Variants in ESR1 observed in about 807,000 individuals in gnomAD.
The protein encoded by ESR1 is estrogen receptor 1, also known as estrogen receptor.
In ESR1, 12 loss-of-function variants were observed where a neutral mutation model predicts 52.7. That is an observed-to-expected ratio of 0.23 (90% CI 0.15 to 0.37). The LOEUF (loss-of-function observed/expected upper bound fraction) is 0.37. ESR1 is among the 10% of genes least tolerant of loss of function. ESR1 has a pLI of 1.00. For missense variants in ESR1, 584 were observed against 779.7 expected, an observed-to-expected ratio of 0.75 and a Z score of 2.99; for synonymous variants, 305 against 316.8, an observed-to-expected ratio of 0.96 and a Z score of 0.39.
chr6:151,730,669 G>A lies in ESR1; in HGVS notation c.-71+28664G>A, dbSNP rs531352116. On this transcript the variant is annotated intron_variant, in intron 2 of 2. Coordinates refer to the ESR1 transcript ENST00000404742. ...CCATTTGGTGTTTGCTCTAGTCAAG[G>A]AGGATGGAGAGGGAGCAACATCTTG... Among the ~76,000 whole-genome samples, 8 of 152,264 alleles carry A rather than the reference G, an allele frequency of 5.3e-5. No homozygotes were observed. In the South Asian group the frequency reaches 1.7e-3, roughly 32 times the overall value.
At chr6:151,978,507 C>G (rs2039679196) in intron 4 of ESR1, among the ~76,000 whole-genome samples, 1 of 152,120 alleles carries the variant, frequency 6.6e-6, no homozygotes, top group South Asian at 2.1e-4. Flanking sequence ...CACCAATCCA[C>G]AGATTCAGAA....
intron 6 of ESR1, among the ~76,000 whole-genome samples, chr6:152,066,097 G>T: frequency 6.6e-6 from 1 of 152,198 alleles, no homozygotes; most frequent in South Asian, 2.1e-4. Context: ...ATATAGTCAT[G>T]CTTTGTTAAT....
At chr6:151,748,447 AT>A (rs1171359944) in intron 2 of ESR1, among the ~76,000 whole-genome samples, 6 of 152,192 alleles carry the variant, frequency 3.9e-5, no homozygotes, top group African/African-American at 1.2e-4. Context: ...TTAGCAGAGT[AT>A]TTTTTGTGAC....
intron 4 of ESR1, among the ~76,000 whole-genome samples, chr6:151,984,858 G>A (rs1562631780): frequency 6.6e-6 from 1 of 151,932 alleles, no homozygotes; most frequent in Non-Finnish European, 1.5e-5. Context: ...CACCATAGTT[G>A]GATATTTTGA....
At chr6:151,958,974 G>A (rs1006977120) in intron 4 of ESR1, among the ~76,000 whole-genome samples, 5 of 92,076 alleles carry the variant, frequency 5.4e-5, no homozygotes, top group African/African-American at 2.3e-4. Context: ...AAAAGTTTCC[G>A]TGTGTGTGTG....
At chr6:151,672,900 C>T (rs1778121206) in intron 1 of ESR1, among the ~76,000 whole-genome samples, 1 of 148,434 alleles carries the variant, frequency 6.7e-6, no homozygotes, top group Non-Finnish European at 1.5e-5. Flanking sequence ...ACGATCTCGG[C>T]TCACTGCAAG....
At chr6:151,947,922 A>C (rs1489258144) in intron 4 of ESR1, among the ~76,000 whole-genome samples, 1 of 152,220 alleles carries the variant, frequency 6.6e-6, no homozygotes, top group African/African-American at 2.4e-5. Context: ...TCTATCGAGA[A>C]GACTTTTCTC....
At chr6:151,827,160 C>CA (rs1171436385) in intron 1 of ESR1, among the ~76,000 whole-genome samples, 3 of 151,726 alleles carry the variant, frequency 2.0e-5, no homozygotes, top group Non-Finnish European at 4.4e-5. Flanking sequence ...CCCATCTCTA[C>CA]AAAAAAATAC....
rs2050963566 is a variant in ESR1, at chr6:152,101,486, A to G, written c.*2520A>G. On this transcript the variant is annotated 3_prime_UTR_variant, in exon 8 of 8. Transcript: ENST00000206249. Reference sequence around the variant, plus strand: ...CCAATGTGTTTCTATTCATGTTAAGATACTACTACATTTGAAGTGGGCAGA... The same window carrying G: ...CCAATGTGTTTCTATTCATGTTAAGGTACTACTACATTTGAAGTGGGCAGA... 5 of 232,486 alleles carry G rather than the reference A, an allele frequency of 2.2e-5. No homozygotes were observed. The South Asian group carries it at 9.1e-4, about 42-fold the overall frequency. The allele number at this position is 232,486 out of a possible 1,614,324, so 14.4% of individuals were successfully genotyped here.
chr6:151,809,229 G>C (rs777798754), intron 1 of ESR1: 11 of 449,550 alleles, frequency 2.4e-5, no homozygotes, highest in Non-Finnish European at 4.7e-5. Flanking sequence ...GAGCGCGGCC[G>C]GTCCAGGACA....
chr6:151,831,480 T>A (rs1056246465), intron 1 of ESR1, among the ~76,000 whole-genome samples: 3 of 152,168 alleles, frequency 2.0e-5, no homozygotes, highest in African/African-American at 7.2e-5. Flanking sequence ...ATTTCTGGGT[T>A]TAAGGATGAG....
chr6:151,673,933 CATCT>C (rs988754112), intron 1 of ESR1, among the ~76,000 whole-genome samples: 2 of 152,152 alleles, frequency 1.3e-5, no homozygotes, highest in African/African-American at 2.4e-5. Flanking sequence ...TGTGTTTACA[CATCT>C]ATCTATCCAC....
rs547589198 is a variant in ESR1 at position 152,123,526 on chromosome 6, A to G, written c.851-1740A>G. On this transcript the variant is annotated intron_variant, in intron 6 of 6. Transcript: ENST00000427531. ...ACAGGTTTCAGAACTCTTAAGAAGG[A>G]CTGCCTGGAAAATACAGAATCTGGA... Among the ~76,000 whole-genome samples the G allele has an allele frequency of 3.3e-5, 5 of 152,372 alleles. No homozygotes were observed. In the East Asian group the frequency reaches 9.6e-4, roughly 29 times the overall value.
rs1585258435 is a variant in ESR1 at position 152,099,572 on chromosome 6, C to T, written c.*606C>T. The T allele has an allele frequency of 4.2e-6, 1 of 240,910 alleles. No homozygotes were observed. The highest frequency in any genetic ancestry group is 6.0e-5 in the East Asian group (1 of 16,748). The allele number at this position is 240,910 out of a possible 1,614,324, so 14.9% of individuals were successfully genotyped here. A position where few individuals can be genotyped will look rare whatever the true frequency, so the allele number is the denominator to read the frequency against. On this transcript the variant is annotated 3_prime_UTR_variant, in exon 8 of 8. Transcript: ENST00000206249. ...TCCCCCTATAGGAATACAAGGGGCACACAGGGAAGGCAGATCCCCTAGTTG... is the reference window on the plus strand; with the variant it reads ...TCCCCCTATAGGAATACAAGGGGCATACAGGGAAGGCAGATCCCCTAGTTG...
At chr6:152,003,189 C>G (rs2042087603) in intron 4 of ESR1, among the ~76,000 whole-genome samples, 1 of 151,742 alleles carries the variant, frequency 6.6e-6, no homozygotes, top group African/African-American at 2.4e-5. Flanking sequence ...TTTGTGATCC[C>G]CAAGTCTCAT....
intron 1 of ESR1, among the ~76,000 whole-genome samples, chr6:151,692,439 C>G (rs1045460118): frequency 6.6e-6 from 1 of 152,062 alleles, no homozygotes; most frequent in Non-Finnish European, 1.5e-5. Flanking sequence ...CAGCTGTGCT[C>G]CAGGACTGCA....
chr6:152,115,077 C>G (rs909863985), intron 6 of ESR1, among the ~76,000 whole-genome samples: 1 of 151,740 alleles, frequency 6.6e-6, no homozygotes, highest in Non-Finnish European at 1.5e-5. Context: ...TGACTGCAGT[C>G]AAAATGTCAA....
At position 152,066,477 on chromosome 6, in the gene ESR1, G is replaced by A. The variant is rs181937516; in HGVS notation, c.1369+5353G>A. ...GAACGGCCCTTGGAAATTGTAAATG[G>A]GCACATTGTCAGGTATGCCCATTGT... is the stretch of plus-strand genomic sequence containing the variant. On this transcript the variant is annotated intron_variant, in intron 6 of 7. Coordinates refer to ENST00000206249, the MANE Select transcript of ESR1 (RefSeq NM_000125.4). Among the ~76,000 whole-genome samples the A allele has an allele frequency of 2.7e-3, 410 of 152,260 alleles. 1 individual carries two copies. The highest frequency in any genetic ancestry group is 4.4e-3 in the Non-Finnish European group (298 of 68,018).
intron 2 of ESR1, among the ~76,000 whole-genome samples, chr6:151,702,743 G>A (rs979175707): frequency 2.6e-5 from 4 of 152,112 alleles, no homozygotes; most frequent in African/African-American, 9.7e-5. Context: ...ATAACTTACT[G>A]ACTGTCAAGT....
Sources: gnomAD v4.1 joint callset for allele counts (sites outside exome capture counted in the v4.1 genomes callset) on GRCh38, gnomAD v4.1.1 for gene constraint, MANE v1.5 for transcripts, NCBI Gene and HGNC (gene_info 2026-07-23, HGNC 2026-07-21) for gene names.